The following ADGRL3 variants were observed in gnomAD, a reference collection of about 807,000 sequenced individuals.
The protein encoded by ADGRL3 is adhesion G protein-coupled receptor L3, also known as calcium-independent alpha-latrotoxin receptor 3.
Under a neutral mutation model 153.5 loss-of-function variants are expected in ADGRL3, and 62 were observed. The observed-to-expected ratio is 0.40, with a 90% confidence interval of 0.33 to 0.50. The LOEUF (loss-of-function observed/expected upper bound fraction) is 0.50. Among genes scored for constraint, ADGRL3 ranks in the 20% least tolerant of loss-of-function variants. The pLI, the probability that ADGRL3 is intolerant of heterozygous loss-of-function variation, is 0.47. For synonymous variants in ADGRL3, 710 were observed against 672.5 expected (o/e 1.06, Z -0.86); for missense variants, 1,641 against 1,859.4 (o/e 0.88, Z 2.16).
At chr4:61,231,233 C>T (rs887474209) in intron 1 of ADGRL3, among the ~76,000 whole-genome samples, 7 of 152,180 alleles carry the variant, frequency 4.6e-5, no homozygotes, top group Non-Finnish European at 7.4e-5. Flanking sequence ...TTATCTCATA[C>T]GAATTTTTAT....
intron 2 of ADGRL3, among the ~76,000 whole-genome samples, chr4:61,402,443 T>C (rs538350859): frequency 2.2e-4 from 34 of 152,152 alleles, no homozygotes; most frequent in Non-Finnish European, 4.4e-4. Flanking sequence ...TAAGTAGCAC[T>C]GTTTTAACAC....
chr4:62,036,911 A>C (rs367692672), intron 23 of ADGRL3, among the ~76,000 whole-genome samples: 2 of 152,182 alleles, frequency 1.3e-5, no homozygotes, highest in East Asian at 3.9e-4. Context: ...CGGTAATAAA[A>C]ATTTTAGACA....
rs565323895 is a variant in ADGRL3, at chr4:61,444,590, G to A, written c.-173-52531G>A. ...AAAAAAATTCCCCCTCTTCTCCCAT[G>A]CTCTGTTATACTTTCACCCTCTCCC... On this transcript the variant is annotated intron_variant, in intron 2 of 26. Coordinates refer to ENST00000683033, the MANE Select transcript of ADGRL3 (RefSeq NM_001387552.1). Among the ~76,000 whole-genome samples, 149 of 151,920 alleles carry A rather than the reference G, an allele frequency of 9.8e-4. 3 individuals are homozygous for A. The highest frequency in any genetic ancestry group is 6.8e-3 in the Middle Eastern group (2 of 294).
At chr4:61,962,916 G>T (rs2098993253) in intron 17 of ADGRL3, among the ~76,000 whole-genome samples, 1 of 152,096 alleles carries the variant, frequency 6.6e-6, no homozygotes, top group African/African-American at 2.4e-5. Flanking sequence ...TTATTTAGTA[G>T]TATAGACAAC....
intron 2 of ADGRL3, chr4:61,420,441 C>G (rs768706105): frequency 2.4e-5 from 3 of 122,942 alleles, no homozygotes; most frequent in Non-Finnish European, 3.2e-5. Context: ...GAGTCTCACT[C>G]CGTAGCCCAG....
At chr4:61,934,806 A>C (rs2150141553) in intron 13 of ADGRL3, 34 bp from the exon 14 acceptor site, 4 of 1,571,782 alleles carry the variant, frequency 2.5e-6, no homozygotes, top group African/African-American at 1.3e-5. Flanking sequence ...TGGGTTCACT[A>C]GAGACCTCTG....
At chr4:61,655,537 C>A (rs2094420783) in intron 5 of ADGRL3, among the ~76,000 whole-genome samples, 1 of 151,952 alleles carries the variant, frequency 6.6e-6, no homozygotes, top group Admixed American at 6.6e-5. Flanking sequence ...AACAGAAATA[C>A]ACTTACACTT....
intron 6 of ADGRL3, among the ~76,000 whole-genome samples, chr4:61,691,195 G>T (rs1431549364): frequency 6.6e-6 from 1 of 152,120 alleles, no homozygotes; most frequent in East Asian, 1.9e-4. Context: ...AATTTATGAC[G>T]AATTATAGTA....
At chr4:61,269,975 C>T (rs1210296888) in intron 1 of ADGRL3, among the ~76,000 whole-genome samples, 1 of 151,656 alleles carries the variant, frequency 6.6e-6, no homozygotes, top group Non-Finnish European at 1.5e-5. Context: ...ATGGTTGCTA[C>T]AGAAACCAGC....
At chr4:61,504,809 A>G (rs936093305) in intron 3 of ADGRL3, among the ~76,000 whole-genome samples, 26 of 152,120 alleles carry the variant, frequency 1.7e-4, no homozygotes, top group Non-Finnish European at 4.4e-5. Context: ...TTATAGCTGG[A>G]TAAATTTCAT....
chr4:61,567,901 C>T (rs975343751), intron 4 of ADGRL3, among the ~76,000 whole-genome samples: 24 of 152,288 alleles, frequency 1.6e-4, no homozygotes, highest in African/African-American at 5.5e-4. Context: ...TTTGTCTTCT[C>T]ACCATCTGAA....
intron 1 of ADGRL3, among the ~76,000 whole-genome samples, chr4:61,322,646 A>T (rs1049688180): frequency 4.6e-5 from 7 of 152,216 alleles, no homozygotes; most frequent in Non-Finnish European, 1.0e-4. Flanking sequence ...TAGAGCTACA[A>T]AATGATCTCC....
chr4:61,549,462 G>A (rs1217231625), intron 4 of ADGRL3, among the ~76,000 whole-genome samples: 4 of 151,892 alleles, frequency 2.6e-5, no homozygotes, highest in African/African-American at 9.7e-5. Context: ...TGCTTAGATT[G>A]TTCCTCCTCA....
chr4:61,599,437 A>T (rs2099001873), intron 5 of ADGRL3, among the ~76,000 whole-genome samples: 1 of 152,110 alleles, frequency 6.6e-6, no homozygotes, highest in Admixed American at 6.5e-5. Context: ...GTTACAAGAG[A>T]TTCTCCCGCC....
intron 9 of ADGRL3, among the ~76,000 whole-genome samples, chr4:61,853,795 A>G (rs551271376): frequency 3.9e-5 from 6 of 152,332 alleles, no homozygotes; most frequent in African/African-American, 1.2e-4. Context: ...TTTCCCAGTC[A>G]TAGTCCCAAA....
chr4:61,251,178 G>C (rs1474816719), intron 1 of ADGRL3, among the ~76,000 whole-genome samples: 1 of 152,190 alleles, frequency 6.6e-6, no homozygotes, highest in Non-Finnish European at 1.5e-5. Flanking sequence ...CAGTGGGGAA[G>C]ATTCCAAAGG....
intron 2 of ADGRL3, among the ~76,000 whole-genome samples, chr4:61,421,675 A>G (rs2097209073): frequency 6.6e-6 from 1 of 152,096 alleles, no homozygotes; most frequent in Non-Finnish European, 1.5e-5. Context: ...ATTATTTCTA[A>G]CTTTATAATT....
At chr4:61,906,895 G>A (rs973010541) in intron 11 of ADGRL3, among the ~76,000 whole-genome samples, 6 of 152,006 alleles carry the variant, frequency 3.9e-5, no homozygotes, top group Non-Finnish European at 1.5e-5. Flanking sequence ...ATTTAAATAA[G>A]AGTTTTAGTT....
chr4:61,372,472 T>G (rs988817082), intron 1 of ADGRL3, among the ~76,000 whole-genome samples: 4 of 152,154 alleles, frequency 2.6e-5, no homozygotes, highest in African/African-American at 9.7e-5. Flanking sequence ...GCTGCAGGTC[T>G]GTTGGAGTAC....
Sources: allele counts gnomAD v4.1 joint callset (sites outside exome capture counted in the v4.1 genomes callset), GRCh38; gene constraint gnomAD v4.1.1; transcripts MANE v1.5; gene names NCBI Gene and HGNC (gene_info 2026-07-23, HGNC 2026-07-21).